KLF8: variants seen among roughly 807,000 people sequenced by gnomAD.
KLF8 encodes Krueppel-like factor 8.
In KLF8, 10 loss-of-function variants were observed where a neutral mutation model predicts 18.2. The ratio of observed to expected loss-of-function variants is 0.55; its 90% CI spans 0.34 to 0.93. The LOEUF is 0.93. Ranked by LOEUF, KLF8 falls within the 40% of genes least tolerant of loss-of-function variation. KLF8 has a pLI of 0.02. For missense variants in KLF8, 264 were observed against 277.9 expected (o/e 0.95, Z 0.36); for synonymous variants, 109 against 97.3 (o/e 1.12, Z -0.71).
chrX:56,145,387 T>C, the KLF8 span, among the ~76,000 whole-genome samples: 1 of 111,961 alleles, frequency 8.9e-6, no homozygotes, highest in Non-Finnish European at 1.9e-5. Context: ...TGTGGAAAAC[T>C]GTGGAAAATA....
At chrX:55,966,246 C>T in the KLF8 span, among the ~76,000 whole-genome samples, 2 of 112,406 alleles carry the variant, frequency 1.8e-5, no homozygotes, top group Admixed American at 9.4e-5. Context: ...AATTGTGGAG[C>T]CCTAGGGCAT....
chrX:56,041,670 G>T, the KLF8 span, among the ~76,000 whole-genome samples: 1 of 29,622 alleles, frequency 3.4e-5, no homozygotes, highest in Non-Finnish European at 1.8e-4. Context: ...CTCTAGTTTT[G>T]TTGTTGTTGT....
At chrX:56,176,958 T>C in the KLF8 span, among the ~76,000 whole-genome samples, 2 of 111,819 alleles carry the variant, frequency 1.8e-5, no homozygotes, top group African/African-American at 6.5e-5. Context: ...CTCCATCAGG[T>C]CCTTTAAGGA....
chrX:55,952,975 A>T, the KLF8 span, among the ~76,000 whole-genome samples: 1 of 111,838 alleles, frequency 8.9e-6, no homozygotes. Context: ...TCACATAACA[A>T]CTAAGTGGTG....
rs776958702 is a variant in KLF8 at position 56,287,701 on chromosome X, C to T, written c.*3207C>T. On this transcript the variant is annotated 3_prime_UTR_variant, in exon 6 of 6. Transcript: ENST00000468660. ...GCATTATGGGCAAGACAAAGGTTTT[C>T]GATATTAACTTCTTTTAAAATAAAC... 1.1e-4 allele frequency: 12 copies of T among 111,515 alleles called. No individual in the cohort carries two copies. The highest frequency in any genetic ancestry group is 7.6e-4 in the South Asian group (2 of 2,630). The allele number at this position is 111,515 out of a possible 1,213,427, so 9.2% of individuals were successfully genotyped here.
chrX:55,916,673 T>C, the KLF8 span, among the ~76,000 whole-genome samples: 1 of 111,200 alleles, frequency 9.0e-6, no homozygotes, highest in South Asian at 3.8e-4. Context: ...TTAGCAAGAG[T>C]TGCATTTATA....
the KLF8 span, among the ~76,000 whole-genome samples, chrX:56,042,468 G>A: frequency 9.0e-6 from 1 of 111,223 alleles, no homozygotes; most frequent in Admixed American, 9.6e-5. Context: ...ATTTTTGTGT[G>A]GGAGTCTATG....
chrX:55,947,021 A>T, the KLF8 span, among the ~76,000 whole-genome samples: 1 of 111,476 alleles, frequency 9.0e-6, no homozygotes, highest in Non-Finnish European at 1.9e-5. Context: ...AAATAGGAAG[A>T]CTTTTACACT....
chrX:55,927,916 A>G, the KLF8 span, among the ~76,000 whole-genome samples: 1 of 112,153 alleles, frequency 8.9e-6, no homozygotes, highest in Non-Finnish European at 1.9e-5. Context: ...AGTTTTCCTA[A>G]CTATGATACA....
At chrX:56,119,542 T>C in the KLF8 span, among the ~76,000 whole-genome samples, 13 of 110,443 alleles carry the variant, frequency 1.2e-4, no homozygotes, top group South Asian at 5.1e-3. Flanking sequence ...TAGCTGGGAC[T>C]AGAGGCGCAT....
chrX:56,115,395 A>G, the KLF8 span, among the ~76,000 whole-genome samples: 1 of 112,220 alleles, frequency 8.9e-6, no homozygotes, highest in African/African-American at 3.2e-5. Flanking sequence ...AATGGAAGCC[A>G]ACACATCTGG....
At chrX:55,944,698 G>A in the KLF8 span, among the ~76,000 whole-genome samples, 4 of 110,781 alleles carry the variant, frequency 3.6e-5, no homozygotes, top group African/African-American at 6.6e-5. Flanking sequence ...ATTTTTTATT[G>A]CGTCTATTTG....
the KLF8 span, among the ~76,000 whole-genome samples, chrX:56,063,122 C>T: frequency 1.4e-4 from 16 of 111,260 alleles, no homozygotes; most frequent in African/African-American, 4.3e-4. Context: ...GCTCCTTTAG[C>T]TCTGAGGAAT....
the KLF8 span, among the ~76,000 whole-genome samples, chrX:56,214,237 T>C: frequency 8.9e-6 from 1 of 111,745 alleles, no homozygotes; most frequent in Non-Finnish European, 1.9e-5. Flanking sequence ...ATGGGGATAA[T>C]AAAGTTCTCA....
the KLF8 span, among the ~76,000 whole-genome samples, chrX:56,164,729 C>CTTTTTTTTTTTTTTTTTTTATCTT: frequency 3.9e-5 from 2 of 51,920 alleles, no homozygotes; most frequent in Non-Finnish European, 6.6e-5. Context: ...CTTGTTATCT[C>CTTTTTTTTTTTTTTTTTTTATCTT]TTTTTTTTTT....
chrX:56,105,360 TAGGTCTCTAA>T, the KLF8 span, among the ~76,000 whole-genome samples: 1 of 111,590 alleles, frequency 9.0e-6, no homozygotes, highest in African/African-American at 3.3e-5. Flanking sequence ...AGTCTCTTTG[TAGGTCTCTAA>T]GGACTTGCTT....
Position 56,261,402 on chromosome X carries a change from C to A in KLF8, c.82-3778C>A, listed in dbSNP as rs184336181. On this transcript the variant is annotated intron_variant, in intron 2 of 5. Transcript: ENST00000468660. ...AGCTATTCTCTTTGATAGTGATTGACTAGAGAACACTTAAAAACTGAAGCC... is the reference window on the plus strand; with the variant it reads ...AGCTATTCTCTTTGATAGTGATTGAATAGAGAACACTTAAAAACTGAAGCC... Among the ~76,000 whole-genome samples the A allele has an allele frequency of 2.7e-5, 3 of 111,598 alleles. No individual in the cohort carries two copies. In the Admixed American group the frequency reaches 2.9e-4, roughly 11 times the overall value.
chrX:56,254,464 G>C (rs1032719159), intron 2 of KLF8, among the ~76,000 whole-genome samples: 6 of 112,072 alleles, frequency 5.4e-5, no homozygotes, highest in Non-Finnish European at 9.4e-5. Flanking sequence ...TACCCTTTTA[G>C]CTTTGCTGTT....
chrX:56,285,398 G>A lies in KLF8; in HGVS notation c.*904G>A, dbSNP rs1375822386. On this transcript the variant is annotated 3_prime_UTR_variant, in exon 6 of 6. Coordinates refer to ENST00000468660, the MANE Select transcript of KLF8 (RefSeq NM_007250.5). ...CCTTTACTTGTATAGGATATCAAAA[G>A]TGCTGTTAATCACAAACCTCATTCA... 2.7e-5 allele frequency: 3 copies of A among 111,788 alleles called. No individual in the cohort carries two copies. Among genetic ancestry groups the A allele is most frequent in the Non-Finnish European group, 5.6e-5 (3 of 53,188 alleles). The allele number at this position is 111,788 out of a possible 1,213,427, so 9.2% of individuals were successfully genotyped here.
Sources: gnomAD v4.1 joint callset for allele counts (sites outside exome capture counted in the v4.1 genomes callset) on GRCh38, gnomAD v4.1.1 for gene constraint, MANE v1.5 for transcripts, NCBI Gene and HGNC (gene_info 2026-07-23, HGNC 2026-07-21) for gene names.